Variants in WNT3 observed in about 807,000 individuals in gnomAD.
WNT3 encodes proto-oncogene Wnt-3.
WNT3 carries 7 observed loss-of-function variants against 34.2 expected under a neutral mutation model. That is an observed-to-expected ratio of 0.20 (90% CI 0.12 to 0.38). The LOEUF is 0.38. Ranked by LOEUF, WNT3 falls within the 10% of genes least tolerant of loss-of-function variation. The pLI is 1.00. For missense variants in WNT3, 267 were observed against 499.8 expected (o/e 0.53, Z 4.44); for synonymous variants, 212 against 211.5 (o/e 1.00, Z -0.02).
chr17:46,797,536 T>A (rs939821162), intron 1 of WNT3, among the ~76,000 whole-genome samples: 2 of 152,114 alleles, frequency 1.3e-5, no homozygotes, highest in Non-Finnish European at 2.9e-5. Flanking sequence ...GGAAAAACAA[T>A]CTCAAAGATG....
chr17:46,786,126 C>CGA (rs1338295875), intron 1 of WNT3, among the ~76,000 whole-genome samples: 4 of 116,710 alleles, frequency 3.4e-5, no homozygotes, highest in Non-Finnish European at 6.5e-5. Flanking sequence ...GAGGAGGGTG[C>CGA]GAGAGAGGGA....
At chr17:46,807,809 G>A (rs9903110) in intron 1 of WNT3, among the ~76,000 whole-genome samples, 103 of 152,314 alleles carry the variant, frequency 6.8e-4, no homozygotes, top group African/African-American at 2.3e-3. Context: ...AGGTCCACAC[G>A]GGTGCAAGGA....
chr17:46,766,802 G>GCACTCTACC (rs1003093912), intron 4 of WNT3, among the ~76,000 whole-genome samples: 1 of 152,130 alleles, frequency 6.6e-6, no homozygotes, highest in Non-Finnish European at 1.5e-5. Flanking sequence ...GGAAGAGGGG[G>GCACTCTACC]CACTCTACCC....
intron 1 of WNT3, among the ~76,000 whole-genome samples, chr17:46,803,561 T>C (rs190540566): frequency 1.5e-3 from 229 of 152,316 alleles, no homozygotes; most frequent in Non-Finnish European, 1.7e-3. Flanking sequence ...ACAATCATTC[T>C]ATCCTCCTAT....
At chr17:46,804,306 C>T (rs568233499) in intron 1 of WNT3, among the ~76,000 whole-genome samples, 7 of 152,170 alleles carry the variant, frequency 4.6e-5, no homozygotes, top group Admixed American at 2.0e-4. Flanking sequence ...CAGGCTGGTT[C>T]GAACTCCTGA....
chr17:46,773,032 A>G (rs939570932), intron 2 of WNT3, among the ~76,000 whole-genome samples: 4 of 152,002 alleles, frequency 2.6e-5, no homozygotes, highest in African/African-American at 9.7e-5. Context: ...TGTCCCACTT[A>G]GCCTCCCTCC....
chr17:46,765,367 G>C (rs1314458844), intron 4 of WNT3, among the ~76,000 whole-genome samples: 1 of 152,230 alleles, frequency 6.6e-6, no homozygotes, highest in Admixed American at 6.5e-5. Context: ...GCAGAGTGAC[G>C]AGGAATAAAT....
intron 1 of WNT3, among the ~76,000 whole-genome samples, chr17:46,797,532 A>G (rs1326468552): frequency 6.6e-6 from 1 of 152,222 alleles, no homozygotes; most frequent in Non-Finnish European, 1.5e-5. Flanking sequence ...CATGGGAAAA[A>G]CAATCTCAAA....
chr17:46,787,296 G>A (rs2059515846), intron 1 of WNT3, among the ~76,000 whole-genome samples: 1 of 151,086 alleles, frequency 6.6e-6, no homozygotes, highest in African/African-American at 2.4e-5. Flanking sequence ...TGCTATTGGA[G>A]TAGGGCGGGG....
chr17:46,777,083 G>A (rs1485794541), intron 1 of WNT3, among the ~76,000 whole-genome samples: 1 of 152,188 alleles, frequency 6.6e-6, no homozygotes, highest in Admixed American at 6.5e-5. Flanking sequence ...GGTGGCTCAC[G>A]CCTGTAATCC....
chr17:46,792,198 C>A (rs994504954), intron 1 of WNT3, among the ~76,000 whole-genome samples: 4 of 152,238 alleles, frequency 2.6e-5, no homozygotes, highest in Non-Finnish European at 5.9e-5. Context: ...CCCCAGGAAT[C>A]ACCCTGGCCT....
intron 1 of WNT3, among the ~76,000 whole-genome samples, chr17:46,777,887 C>T (rs1288503050): frequency 6.6e-6 from 1 of 152,216 alleles, no homozygotes; most frequent in Non-Finnish European, 1.5e-5. Flanking sequence ...CCTCTTTCCA[C>T]CAAACCCTGT....
chr17:46,799,049 A>G (rs1355787703), intron 1 of WNT3, among the ~76,000 whole-genome samples: 2 of 146,718 alleles, frequency 1.4e-5, no homozygotes, highest in Non-Finnish European at 3.1e-5. Flanking sequence ...TCCGTCTCAA[A>G]AAAAAAAAAA....
At chr17:46,814,507 C>A (rs151309556) in intron 1 of WNT3, among the ~76,000 whole-genome samples, 6 of 152,312 alleles carry the variant, frequency 3.9e-5, no homozygotes, top group African/African-American at 1.4e-4. Flanking sequence ...CCATATCCCC[C>A]CCAGGGAAAG....
intron 1 of WNT3, among the ~76,000 whole-genome samples, chr17:46,811,110 G>A (rs1172551772): frequency 6.6e-6 from 1 of 152,058 alleles, no homozygotes; most frequent in Non-Finnish European, 1.5e-5. Context: ...GGCTGTACAG[G>A]CCAGGCTGCA....
At chr17:46,788,492 C>T (rs919466508) in intron 1 of WNT3, among the ~76,000 whole-genome samples, 25 of 152,178 alleles carry the variant, frequency 1.6e-4, no homozygotes, top group Admixed American at 1.2e-3. Context: ...CCCTCTTGTT[C>T]GCTTCTGACT....
At chr17:46,780,684 G>A (rs1199094300) in intron 1 of WNT3, among the ~76,000 whole-genome samples, 3 of 152,208 alleles carry the variant, frequency 2.0e-5, no homozygotes, top group Non-Finnish European at 4.4e-5. Context: ...GGCTGAGGCA[G>A]GAGAATGGCA....
At position 46,768,720 on chromosome 17, in the gene WNT3, G is replaced by A. The variant is rs754298042; in HGVS notation, c.668C>T (p.Ala223Val). The change falls in exon 4 of 5, where the codon GCG becomes GTG. Residue 223 changes from alanine (A) to valine (V), a missense_variant. Coordinates refer to ENST00000225512, the MANE Select transcript of WNT3 (RefSeq NM_030753.5). This position sits in a 1 kb window ranked among gnomAD's most constrained non-coding sequence, Gnocchi z 5.0. ...GSCEVKTCWW[A>V]QPDFRAIGDF... Reference sequence around the variant, plus strand: ...ACCGATGGCACGGAAGTCAGGCTGCGCCCACCAGCAGGTCTTCACCTCACA... The same window carrying A: ...ACCGATGGCACGGAAGTCAGGCTGCACCCACCAGCAGGTCTTCACCTCACA... 2.5e-6 allele frequency: 4 copies of A among 1,614,004 alleles called. No homozygotes were observed. The highest frequency in any genetic ancestry group is 1.7e-5 in the Admixed American group (1 of 60,008).
At chr17:46,790,879 A>C (rs1455117603) in intron 1 of WNT3, among the ~76,000 whole-genome samples, 1 of 152,232 alleles carries the variant, frequency 6.6e-6, no homozygotes, top group Non-Finnish European at 1.5e-5. Context: ...ACATCGGAAA[A>C]GGACAGGATA....
Sources: gnomAD v4.1 joint callset for allele counts (sites outside exome capture counted in the v4.1 genomes callset) on GRCh38, gnomAD v4.1.1 for gene constraint, Gnocchi (gnomAD v3.1) non-coding constraint, MANE v1.5 for transcripts, NCBI Gene and HGNC (gene_info 2026-07-23, HGNC 2026-07-21) for gene names.